Variants in PHOSPHO2 observed in about 807,000 individuals in gnomAD.
The protein encoded by PHOSPHO2 is pyridoxal phosphate phosphatase PHOSPHO2.
Under a neutral mutation model 16.4 loss-of-function variants are expected in PHOSPHO2, and 14 were observed. The observed-to-expected ratio is 0.85, with a 90% CI of 0.56 to 1.33. PHOSPHO2 has a LOEUF of 1.33. PHOSPHO2 is among the 40% of genes most tolerant of loss of function. The pLI is 0.00. For missense variants in PHOSPHO2, 246 were observed against 282.5 expected (o/e 0.87, Z 0.93); for synonymous variants, 85 against 90.5 (o/e 0.94, Z 0.34).
chr2:169,695,810 G>C (rs1178307965), intron 2 of PHOSPHO2, among the ~76,000 whole-genome samples: 2 of 152,108 alleles, frequency 1.3e-5, no homozygotes, highest in East Asian at 3.9e-4. Context: ...TAAAGCCCCA[G>C]TTCCCACAGG....
chr2:169,695,060 T>A lies in PHOSPHO2; in HGVS notation c.-230-155T>A, dbSNP rs185435547. 2.4e-4 allele frequency among the ~76,000 whole-genome samples: 37 copies of A among 152,356 alleles called. No individual in the cohort carries two copies. In the East Asian group the frequency reaches 6.4e-3, roughly 26 times the overall value. On this transcript the variant is annotated intron_variant, in intron 1 of 3. Transcript: ENST00000359744. The stretch of plus-strand genomic sequence containing the variant: ...CTGCGCGTTTGGTTTCAAAAGATGC[T>A]TTTCTAACACATTGATGTACAGATA...
intron 3 of PHOSPHO2, 36 bp from the exon 4 acceptor site, chr2:169,700,910 G>C (rs1687730074): frequency 6.7e-7 from 1 of 1,485,788 alleles, no homozygotes; most frequent in African/African-American, 1.4e-5. Context: ...TATGTAAACA[G>C]AGTTTGTTTA....
intron 2 of PHOSPHO2, among the ~76,000 whole-genome samples, chr2:169,696,355 T>C (rs1306261403): frequency 6.6e-6 from 1 of 152,248 alleles, no homozygotes; most frequent in Non-Finnish European, 1.5e-5. Flanking sequence ...GAACTACGGT[T>C]GAACCAACCA....
intron 2 of PHOSPHO2, among the ~76,000 whole-genome samples, chr2:169,697,020 A>ATTT (rs71006024): frequency 7.4e-6 from 1 of 134,280 alleles, no homozygotes; most frequent in Non-Finnish European, 1.7e-5. Context: ...AAAAAAAAAA[A>ATTT]TTTTTTTTTT....
intron 3 of PHOSPHO2, chr2:169,698,136 T>C (rs1485164078): frequency 2.0e-5 from 3 of 152,222 alleles, no homozygotes; most frequent in African/African-American, 7.2e-5. Flanking sequence ...TGCCATGTTT[T>C]TCATTTTTAA....
intron 3 of PHOSPHO2, 95 bp downstream of exon 3, chr2:169,697,626 G>A (rs986166183): frequency 1.3e-5 from 2 of 152,166 alleles, no homozygotes; most frequent in Admixed American, 1.3e-4. Flanking sequence ...ATCAGCAGGG[G>A]AACTATGTTA....
rs1687429393 is a variant in PHOSPHO2, at chr2:169,694,511, C to T, written c.-342C>T. On this transcript the variant is annotated 5_prime_UTR_variant, in exon 1 of 4. Transcript: ENST00000359744. Reference sequence around the variant, plus strand: ...TAGAGAAGAGAGGCGCCTGCGCTTGCGAGCTGGGCTTGTGAGTGGGGCTGC... The same window carrying T: ...TAGAGAAGAGAGGCGCCTGCGCTTGTGAGCTGGGCTTGTGAGTGGGGCTGC... The T allele has an allele frequency of 4.6e-6, 3 of 656,686 alleles. No homozygotes were observed. The highest frequency in any genetic ancestry group is 2.7e-6 in the Non-Finnish European group (1 of 366,202). The allele number at this position is 656,686 out of a possible 1,614,324, so 40.7% of individuals were successfully genotyped here. A position where few individuals can be genotyped will look rare whatever the true frequency, so the allele number is the denominator to read the frequency against.
intron 1 of PHOSPHO2, chr2:169,694,880 G>C (rs564974823): frequency 6.1e-5 from 11 of 179,546 alleles, no homozygotes; most frequent in African/African-American, 2.4e-4. Context: ...TTAATCCTTT[G>C]GTTTCTGAGG....
chr2:169,698,915 A>G (rs1164785052), intron 3 of PHOSPHO2, among the ~76,000 whole-genome samples: 2 of 152,206 alleles, frequency 1.3e-5, no homozygotes, highest in African/African-American at 4.8e-5. Context: ...TCCAGTTCTC[A>G]GGTAATTTGT....
At chr2:169,697,036 C>A (rs12623396) in intron 2 of PHOSPHO2, among the ~76,000 whole-genome samples, 1 of 149,192 alleles carries the variant, frequency 6.7e-6, no homozygotes, top group African/African-American at 2.5e-5. Flanking sequence ...TTTTTTTTGA[C>A]ACGGAGTCTC....
chr2:169,694,477 C>A lies in PHOSPHO2; in HGVS notation c.-376C>A. 1.3e-6 allele frequency: 1 copy of A among 754,342 alleles called. No homozygotes were observed. Among genetic ancestry groups the A allele is most frequent in the Non-Finnish European group, 2.3e-6 (1 of 435,500 alleles). 46.7% of individuals were successfully genotyped at this position (754,342 alleles called of 1,614,324 possible). A position where few individuals can be genotyped will look rare whatever the true frequency, so the allele number is the denominator to read the frequency against. On this transcript the variant is annotated 5_prime_UTR_variant, in exon 1 of 4. Transcript: ENST00000359744. ...GGAACAAGGGAGGTGCTGCAGTTGG[C>A]GGTCGGGCTAGAGAAGAGAGGCGCC... is the stretch of plus-strand genomic sequence containing the variant.
intron 2 of PHOSPHO2, among the ~76,000 whole-genome samples, chr2:169,695,632 C>A (rs911655972): frequency 2.3e-5 from 3 of 129,424 alleles, no homozygotes; most frequent in African/African-American, 8.8e-5. Context: ...AGCGAGACTC[C>A]GTCTCAAAAA....
chr2:169,701,255 T>C lies in PHOSPHO2; in HGVS notation c.284T>C (p.Ile95Thr). ...AAGAATAAGGATAAATTTGACTGCA[T>C]TATTATTTCAGATTCAAATTCGGTC... ...IRKNKDKFDC[I>T]IISDSNSVFI... is the part of the protein sequence containing the mutation. Residue 95 changes from isoleucine to threonine, a missense_variant, in exon 4 of 4, where the codon ATT becomes ACT. Physicochemically the swap from Ile to Thr is moderately conservative, Grantham distance 89. Coordinates refer to ENST00000359744, the MANE Select transcript of PHOSPHO2 (RefSeq NM_001008489.4). 3.7e-6 allele frequency: 6 copies of C among 1,613,802 alleles called. No homozygotes were observed. Among genetic ancestry groups the C allele is most frequent in the Non-Finnish European group, 5.1e-6 (6 of 1,179,902 alleles).
At chr2:169,700,912 G>A (rs1002521178) in intron 3 of PHOSPHO2, 34 bp from the exon 4 acceptor site, 17 of 1,491,708 alleles carry the variant, frequency 1.1e-5, no homozygotes, top group Non-Finnish European at 1.5e-5. Context: ...TGTAAACAGA[G>A]TTTGTTTAGG....
chr2:169,697,419 G>A lies in PHOSPHO2; in HGVS notation c.-139G>A, dbSNP rs1687585029. On this transcript the variant is annotated 5_prime_UTR_variant, in exon 3 of 4. Coordinates refer to ENST00000359744, the MANE Select transcript of PHOSPHO2 (RefSeq NM_001008489.4). Reference sequence around the variant, plus strand: ...CAGAAGACTCTGTTCCCTGTATATAGAATAGGAGTAATATTTGAAAACAAC... The same window carrying A: ...CAGAAGACTCTGTTCCCTGTATATAAAATAGGAGTAATATTTGAAAACAAC... 1 of 152,162 alleles carries A rather than the reference G, an allele frequency of 6.6e-6. No individual in the cohort carries two copies. The highest frequency in any genetic ancestry group is 2.4e-5 in the African/African-American group (1 of 41,418). 9.4% of individuals were successfully genotyped at this position (152,162 alleles called of 1,614,324 possible).
Position 169,694,625 on chromosome 2 carries a change from C to A in PHOSPHO2, c.-231+3C>A. On this transcript the variant is annotated splice_donor_region_variant and intron_variant, in intron 1 of 3. Transcript: ENST00000359744. ...GCGGCTGCCGACGGCGGGACTGGGT[C>A]AGTGAGAAGCCCGTGGGCCCCCGCC... The A allele has an allele frequency of 2.0e-6, 1 of 511,052 alleles. No individual in the cohort carries two copies. The highest frequency in any genetic ancestry group is 3.6e-6 in the Non-Finnish European group (1 of 279,306). 31.7% of individuals were successfully genotyped at this position (511,052 alleles called of 1,614,324 possible). A position where few individuals can be genotyped will look rare whatever the true frequency, so the allele number is the denominator to read the frequency against.
At position 169,700,964 on chromosome 2, in the gene PHOSPHO2, C is replaced by T; in HGVS notation, c.-8C>T. Reference sequence around the variant, plus strand: ...TTTTCAGGGTAATCCAAATCTATTTCTGGAACCATGAAAATTTTGCTAGTT... The same window carrying T: ...TTTTCAGGGTAATCCAAATCTATTTTTGGAACCATGAAAATTTTGCTAGTT... On this transcript the variant is annotated 5_prime_UTR_variant, in exon 4 of 4. Coordinates refer to ENST00000359744, the MANE Select transcript of PHOSPHO2 (RefSeq NM_001008489.4). 1 of 1,583,492 alleles carries T rather than the reference C, an allele frequency of 6.3e-7. No individual in the cohort carries two copies. Among genetic ancestry groups the T allele is most frequent in the Non-Finnish European group, 8.6e-7 (1 of 1,167,818 alleles).
At position 169,701,043 on chromosome 2, in the gene PHOSPHO2, A is replaced by G. The variant is rs749835111; in HGVS notation, c.72A>G (p.Gln24=). 7 of 1,613,770 alleles carry G rather than the reference A, an allele frequency of 4.3e-6. No homozygotes were observed. In the South Asian group the frequency reaches 4.4e-5, roughly 10 times the overall value. The change falls in exon 4 of 4, where the codon CAA becomes CAG. Residue 24 remains glutamine, a synonymous_variant. Transcript: ENST00000359744. ...IDDNSDTWIV[Q]CAPNKKLPIE... ...ACAATAGTGACACTTGGATTGTACA[A>G]TGTGCTCCCAACAAAAAGCTTCCTA...
chr2:169,695,247 G>A lies in PHOSPHO2; in HGVS notation c.-198G>A, dbSNP rs1444865067. 3.9e-5 allele frequency: 6 copies of A among 152,142 alleles called. No homozygotes were observed. Among genetic ancestry groups the A allele is most frequent in the Non-Finnish European group, 8.8e-5 (6 of 68,036 alleles). 9.4% of individuals were successfully genotyped at this position (152,142 alleles called of 1,614,324 possible). ...ATCAGATGTTCCACGTAATAATGCT[G>A]GTAAGTATGGAATAATTAAGAAAAT... is the stretch of plus-strand genomic sequence containing the variant. On this transcript the variant is annotated splice_region_variant and 5_prime_UTR_variant, in exon 2 of 4. Transcript: ENST00000359744.
Sources: gnomAD v4.1 joint callset for allele counts (sites outside exome capture counted in the v4.1 genomes callset) on GRCh38, gnomAD v4.1.1 for gene constraint, MANE v1.5 for transcripts, NCBI Gene and HGNC (gene_info 2026-07-23, HGNC 2026-07-21) for gene names.